Variants in DSCAM observed in about 807,000 individuals in gnomAD.
The protein encoded by DSCAM is cell adhesion molecule DSCAM.
Under a neutral mutation model 217.7 loss-of-function variants are expected in DSCAM, and 47 were observed. The ratio of observed to expected loss-of-function variants is 0.22; its 90% CI spans 0.17 to 0.28. DSCAM has a LOEUF of 0.28. Ranked by LOEUF, DSCAM falls within the 10% of genes least tolerant of loss-of-function variation. The pLI is 1.00. For missense variants in DSCAM, 2,080 were observed against 2,618.3 expected (o/e 0.79, Z 4.49); for synonymous variants, 1,056 against 1,015.3 (o/e 1.04, Z -0.76).
At chr21:40,352,828 G>C (rs185614218) in intron 5 of DSCAM, among the ~76,000 whole-genome samples, 26 of 152,192 alleles carry the variant, frequency 1.7e-4, no homozygotes, top group Non-Finnish European at 2.8e-4. Flanking sequence ...GTGACCCTGC[G>C]ATCACATCCC....
intron 1 of DSCAM, among the ~76,000 whole-genome samples, chr21:40,721,293 G>C (rs2090898509): frequency 6.6e-6 from 1 of 152,086 alleles, no homozygotes; most frequent in African/African-American, 2.4e-5. Flanking sequence ...GACACAATAA[G>C]GGAAATATGG....
chr21:40,380,624 G>A (rs1392297580), intron 3 of DSCAM, among the ~76,000 whole-genome samples: 1 of 152,158 alleles, frequency 6.6e-6, no homozygotes, highest in Non-Finnish European at 1.5e-5. Flanking sequence ...CTGAGGACGT[G>A]CACTTCAGCA....
intron 3 of DSCAM, among the ~76,000 whole-genome samples, chr21:40,543,590 G>A (rs1339979418): frequency 1.3e-5 from 2 of 152,024 alleles, no homozygotes; most frequent in Admixed American, 1.3e-4. Flanking sequence ...AGTCTGTGGA[G>A]GAAAGGAATG....
chr21:40,583,278 T>G (rs1402939452), intron 3 of DSCAM, among the ~76,000 whole-genome samples: 1 of 152,210 alleles, frequency 6.6e-6, no homozygotes, highest in African/African-American at 2.4e-5. Flanking sequence ...TTTTTCTGGG[T>G]TGAGGACAGA....
In DSCAM at chr21:40,554,879, G is replaced by T. The variant is rs754021058; in HGVS notation, c.508+137931C>A. Among the ~76,000 whole-genome samples the T allele has an allele frequency of 2.6e-5, 4 of 152,182 alleles. No homozygotes were observed. The East Asian group carries it at 7.7e-4, about 29-fold the overall frequency. On this transcript the variant is annotated intron_variant, in intron 3 of 32. Transcript: ENST00000400454. ...AATTTAACACTTGACACATGGTATT[G>T]AAATTGTTTATTTTCTTGGTGATTT... is the stretch of plus-strand genomic sequence containing the variant.
chr21:40,715,014 T>G (rs1284471100), intron 1 of DSCAM, among the ~76,000 whole-genome samples: 1 of 152,224 alleles, frequency 6.6e-6, no homozygotes, highest in African/African-American at 2.4e-5. Flanking sequence ...TCCTGAACAC[T>G]TGCTTCTGTC....
chr21:40,838,349 G>GGCTA (rs2092073141), intron 1 of DSCAM, among the ~76,000 whole-genome samples: 1 of 152,108 alleles, frequency 6.6e-6, no homozygotes, highest in African/African-American at 2.4e-5. Context: ...ATACGGCATG[G>GGCTA]GCTACCTCCC....
intron 3 of DSCAM, among the ~76,000 whole-genome samples, chr21:40,553,647 T>C (rs1364182833): frequency 6.6e-6 from 1 of 152,238 alleles, no homozygotes; most frequent in Non-Finnish European, 1.5e-5. Flanking sequence ...CTGTGATATC[T>C]AAATGCTTCT....
Position 40,188,416 on chromosome 21 carries a change from C to T in DSCAM, c.2554-429G>A, listed in dbSNP as rs546406030. On this transcript the variant is annotated intron_variant, in intron 12 of 32. Transcript: ENST00000400454. ...GGCAGGGCTGGGGGCCCGCAAGACT[C>T]GCATCAGATTCCTTTTCTAGGAGGA... Among the ~76,000 whole-genome samples, 40 of 152,226 alleles carry T rather than the reference C, an allele frequency of 2.6e-4. No homozygotes were observed. In the South Asian group the frequency reaches 7.3e-3, roughly 28 times the overall value.
At chr21:40,672,607 G>A (rs1266429929) in intron 3 of DSCAM, among the ~76,000 whole-genome samples, 1 of 152,182 alleles carries the variant, frequency 6.6e-6, no homozygotes, top group Non-Finnish European at 1.5e-5. Context: ...GTGAGCCTAA[G>A]TGGCTCACAG....
chr21:40,568,008 G>A (rs761991552), intron 3 of DSCAM, among the ~76,000 whole-genome samples: 16 of 151,858 alleles, frequency 1.1e-4, no homozygotes, highest in Admixed American at 2.6e-4. Flanking sequence ...CGCGATCTCC[G>A]CTCACTGCAA....
intron 15 of DSCAM, among the ~76,000 whole-genome samples, chr21:40,175,883 T>C (rs1156347809): frequency 1.3e-5 from 2 of 151,478 alleles, no homozygotes; most frequent in Non-Finnish European, 2.9e-5. Context: ...CTGTGGGTAA[T>C]GTTTATAAAC....
chr21:40,064,116 GTATA>G (rs35690892), intron 27 of DSCAM, among the ~76,000 whole-genome samples: 2 of 149,122 alleles, frequency 1.3e-5, no homozygotes, highest in African/African-American at 2.5e-5. Context: ...CACTTACAAA[GTATA>G]TATATATATA....
At chr21:40,515,663 C>T (rs2076293719) in intron 3 of DSCAM, among the ~76,000 whole-genome samples, 1 of 152,146 alleles carries the variant, frequency 6.6e-6, no homozygotes, top group South Asian at 2.1e-4. Context: ...ACTCCTCACT[C>T]AAAACAAAGT....
At chr21:40,174,254 G>A (rs1185863905) in intron 15 of DSCAM, among the ~76,000 whole-genome samples, 2 of 152,138 alleles carry the variant, frequency 1.3e-5, no homozygotes, top group African/African-American at 2.4e-5. Flanking sequence ...CTCTGAGGTC[G>A]AGTGTATTAA....
At chr21:40,048,733 C>T (rs1035305091) in intron 30 of DSCAM, among the ~76,000 whole-genome samples, 7 of 152,170 alleles carry the variant, frequency 4.6e-5, no homozygotes, top group African/African-American at 1.7e-4. Flanking sequence ...TGATTCTCTG[C>T]AAGTATGCCA....
At chr21:40,033,188 G>C (rs541655122) in intron 32 of DSCAM, among the ~76,000 whole-genome samples, 22 of 152,300 alleles carry the variant, frequency 1.4e-4, no homozygotes, top group African/African-American at 2.2e-4. Flanking sequence ...TGGCCGAATA[G>C]GAACAGCTCC....
At chr21:40,214,037 C>G (rs1213670587) in intron 11 of DSCAM, among the ~76,000 whole-genome samples, 1 of 152,194 alleles carries the variant, frequency 6.6e-6, no homozygotes, top group Non-Finnish European at 1.5e-5. Context: ...GCTTCCTTTC[C>G]TAGACAGACG....
intron 11 of DSCAM, among the ~76,000 whole-genome samples, chr21:40,220,535 T>G (rs979636912): frequency 6.6e-6 from 1 of 152,172 alleles, no homozygotes; most frequent in African/African-American, 2.4e-5. Flanking sequence ...ATTAAAATGG[T>G]TTTCCTCCAT....
Sources: allele counts gnomAD v4.1 joint callset (sites outside exome capture counted in the v4.1 genomes callset), GRCh38; gene constraint gnomAD v4.1.1; transcripts MANE v1.5; gene names NCBI Gene and HGNC (gene_info 2026-07-23, HGNC 2026-07-21).